Variants in USP49 observed in about 807,000 individuals in gnomAD.
USP49 encodes ubiquitin carboxyl-terminal hydrolase 49.
In USP49, 24 loss-of-function variants were observed where a neutral mutation model predicts 58.6. That is an observed-to-expected ratio of 0.41 (90% CI 0.30 to 0.58). The LOEUF is 0.58. Ranked by LOEUF, USP49 falls within the 20% of genes least tolerant of loss-of-function variation. The pLI, the probability that USP49 is intolerant of heterozygous loss-of-function variation, is 0.30. For missense variants in USP49, 703 were observed against 866.1 expected (o/e 0.81, Z 2.36); for synonymous variants, 408 against 365.1 (o/e 1.12, Z -1.34).
chr6:41,851,962 AAAAAAAAAAAAAAAG>A (rs1235238192), intron 3 of USP49, among the ~76,000 whole-genome samples: 1 of 148,794 alleles, frequency 6.7e-6, no homozygotes, highest in Non-Finnish European at 1.5e-5. Context: ...CAAAAAAAAA[AAAAAAAAAAAAAAAG>A]AAAGAAAAGA....
intron 3 of USP49, among the ~76,000 whole-genome samples, chr6:41,829,583 G>A (rs1314735329): frequency 6.6e-6 from 1 of 152,154 alleles, no homozygotes; most frequent in African/African-American, 2.4e-5. Flanking sequence ...AAAGTGCTGA[G>A]ATTACAGGCG....
intron 3 of USP49, among the ~76,000 whole-genome samples, chr6:41,834,830 A>G (rs1327215510): frequency 6.6e-6 from 1 of 152,218 alleles, no homozygotes; most frequent in Non-Finnish European, 1.5e-5. Flanking sequence ...GTATTTCTTT[A>G]TAGCAATGTG....
At chr6:41,828,373 C>T (rs1019173458) in intron 3 of USP49, among the ~76,000 whole-genome samples, 5 of 152,106 alleles carry the variant, frequency 3.3e-5, no homozygotes, top group South Asian at 2.1e-4. Flanking sequence ...TGCTTGAACC[C>T]GGGAGGCGGA....
At position 41,862,932 on chromosome 6, in the gene USP49, C is replaced by T. The variant is rs531753836; in HGVS notation, c.-29+8632G>A. Among the ~76,000 whole-genome samples the T allele has an allele frequency of 4.6e-5, 7 of 152,194 alleles. No homozygotes were observed. In the South Asian group the frequency reaches 1.0e-3, roughly 23 times the overall value. On this transcript the variant is annotated intron_variant, in intron 3 of 7. Coordinates refer to ENST00000682992, the MANE Select transcript of USP49 (RefSeq NM_001286554.2). ...AGGATTACAGGCGTGCACTACCACA[C>T]CTGGCTAATTTTTTTTTGTATTTTA...
intron 3 of USP49, among the ~76,000 whole-genome samples, chr6:41,850,935 G>A (rs1284404457): frequency 6.6e-6 from 1 of 151,584 alleles, no homozygotes; most frequent in African/African-American, 2.4e-5. Context: ...AACTTACCAA[G>A]ACTGAATCAT....
In USP49 at chr6:41,804,644, A is replaced by T. The variant is rs1773076651; in HGVS notation, c.1357-634T>A. Among the ~76,000 whole-genome samples the T allele has an allele frequency of 3.3e-5, 5 of 151,910 alleles. No homozygotes were observed. The South Asian group carries it at 1.0e-3, about 31-fold the overall frequency. ...TAATTAAACTTTCCCTTTCCATCCC[A>T]TTCATCATTCTTTCAAAGCCCTAAA... On this transcript the variant is annotated intron_variant, in intron 4 of 7. Coordinates refer to ENST00000682992, the MANE Select transcript of USP49 (RefSeq NM_001286554.2).
intron 3 of USP49, among the ~76,000 whole-genome samples, chr6:41,859,626 G>A (rs563170635): frequency 1.3e-5 from 2 of 152,236 alleles, no homozygotes; most frequent in African/African-American, 2.4e-5. Context: ...ATTAAAGACC[G>A]AGTGAATAAA....
chr6:41,803,143 C>T lies in USP49; in HGVS notation c.1561+663G>A, dbSNP rs1438615949. Reference sequence around the variant, plus strand: ...ATTAAGTAAGAACTGTCAGACTCTACATTCATGAATTTAAGCAGCAGCCCC... The same window carrying T: ...ATTAAGTAAGAACTGTCAGACTCTATATTCATGAATTTAAGCAGCAGCCCC... On this transcript the variant is annotated intron_variant, in intron 5 of 7. Transcript: ENST00000682992. This position sits in a 1 kb window ranked among gnomAD's most constrained non-coding sequence, Gnocchi z 4.1. Among the ~76,000 whole-genome samples, 2 of 152,200 alleles carry T rather than the reference C, an allele frequency of 1.3e-5. No homozygotes were observed. The highest frequency in any genetic ancestry group is 2.9e-5 in the Non-Finnish European group (2 of 68,032).
chr6:41,817,167 TG>T lies in USP49; in HGVS notation c.-28-10157del, dbSNP rs201991187. On this transcript the variant is annotated intron_variant, in intron 3 of 7. Transcript: ENST00000682992. ...CACGCATGCTTTTTTTTTTTTTTTT[TG>T]AGACAGAGTCTTGCTCTGTCGCCAG... Among the ~76,000 whole-genome samples, 44 of 135,600 alleles carry T rather than the reference TG, an allele frequency of 3.2e-4. 3 individuals are homozygous for T. Among genetic ancestry groups the T allele is most frequent in the African/African-American group, 9.7e-4 (32 of 33,086 alleles). The allele number at this position is 135,600 out of a possible 152,430, so 89.0% of individuals were successfully genotyped here. A position where few individuals can be genotyped will look rare whatever the true frequency, so the allele number is the denominator to read the frequency against.
intron 3 of USP49, among the ~76,000 whole-genome samples, chr6:41,829,425 T>C (rs146229925): frequency 0.015 from 2,210 of 152,262 alleles, 27 homozygotes; most frequent in South Asian, 0.062. Context: ...GCGATTCTCC[T>C]GCTTCAGCCT....
intron 5 of USP49, among the ~76,000 whole-genome samples, chr6:41,802,405 ATT>A (rs34908974): frequency 0.17 from 10,263 of 60,308 alleles, 726 homozygotes; most frequent in Middle Eastern, 0.28. Flanking sequence ...ATTTTATTTT[ATT>A]TTTTATTTTA....
rs189682586 is a variant in USP49, at chr6:41,814,313, C to T, written c.-28-7302G>A. ...AATCTGAATCAACTGGAGCTAAGAA[C>T]CATAATCAATATTTAAAAGCATTCT... On this transcript the variant is annotated intron_variant, in intron 3 of 7. Transcript: ENST00000682992. Among the ~76,000 whole-genome samples, 28 of 152,218 alleles carry T rather than the reference C, an allele frequency of 1.8e-4. No homozygotes were observed. The East Asian group carries it at 5.0e-3, about 27-fold the overall frequency.
At chr6:41,881,037 A>C (rs1221299161) in intron 2 of USP49, among the ~76,000 whole-genome samples, 7 of 151,730 alleles carry the variant, frequency 4.6e-5, no homozygotes, top group Non-Finnish European at 8.8e-5. Flanking sequence ...GATTCCACCA[A>C]TTCTCCTGCC....
chr6:41,864,366 C>T (rs1027851235), intron 3 of USP49, among the ~76,000 whole-genome samples: 12 of 151,832 alleles, frequency 7.9e-5, no homozygotes, highest in African/African-American at 2.4e-4. Flanking sequence ...AGTTCGAGAC[C>T]GGCCTGGTCA....
intron 4 of USP49, among the ~76,000 whole-genome samples, chr6:41,804,834 C>T (rs955065724): frequency 1.1e-4 from 16 of 152,198 alleles, no homozygotes; most frequent in Non-Finnish European, 1.9e-4. Flanking sequence ...CCGCAACCTC[C>T]GCCTCCTGGG....
chr6:41,850,896 T>C (rs1774015945), intron 3 of USP49, among the ~76,000 whole-genome samples: 2 of 151,640 alleles, frequency 1.3e-5, no homozygotes, highest in Non-Finnish European at 1.5e-5. Flanking sequence ...CCACCGCGCC[T>C]GGCCATGGAT....
At chr6:41,821,864 T>G (rs1433752475) in intron 3 of USP49, among the ~76,000 whole-genome samples, 1 of 152,178 alleles carries the variant, frequency 6.6e-6, no homozygotes, top group African/African-American at 2.4e-5. Context: ...AAAAATTATA[T>G]ATTTAAAAAT....
intron 3 of USP49, among the ~76,000 whole-genome samples, chr6:41,830,040 G>C (rs1261326159): frequency 2.0e-5 from 3 of 152,100 alleles, no homozygotes; most frequent in Non-Finnish European, 4.4e-5. Context: ...ATTTGGTCTT[G>C]ATGTTTTGTT....
At chr6:41,885,056 G>A (rs146102941) in intron 2 of USP49, among the ~76,000 whole-genome samples, 112 of 152,220 alleles carry the variant, frequency 7.4e-4, no homozygotes, top group Middle Eastern at 3.4e-3. Context: ...ACTACTTTTT[G>A]GAGGATAAAT....
Sources: gnomAD v4.1 joint callset for allele counts (sites outside exome capture counted in the v4.1 genomes callset) on GRCh38, gnomAD v4.1.1 for gene constraint, Gnocchi (gnomAD v3.1) non-coding constraint, MANE v1.5 for transcripts, NCBI Gene and HGNC (gene_info 2026-07-23, HGNC 2026-07-21) for gene names.